The following TYW1B variants were observed in gnomAD, a reference collection of about 807,000 sequenced individuals.
TYW1B encodes the protein S-adenosyl-L-methionine-dependent tRNA 4-demethylwyosine synthase TYW1B.
TYW1B carries 73 observed loss-of-function variants against 86.9 expected under a neutral mutation model. The observed-to-expected ratio is 0.84, with a 90% confidence interval of 0.70 to 1.02. The LOEUF is 1.02. Among genes scored for constraint, TYW1B ranks in the 50% least tolerant of loss-of-function variants. The pLI is 0.00. For synonymous variants in TYW1B, 248 were observed against 292.8 expected (o/e 0.85, Z 1.56); for missense variants, 637 against 827.4 (o/e 0.77, Z 2.82).
intron 6 of TYW1B, among the ~76,000 whole-genome samples, chr7:72,790,596 T>C (rs1788203657): frequency 6.6e-6 from 1 of 152,166 alleles, no homozygotes. Flanking sequence ...TGCTTCTGGC[T>C]GGTAAATGAT....
intron 7 of TYW1B, among the ~76,000 whole-genome samples, chr7:72,760,046 C>T (rs1554466942): frequency 1.3e-5 from 2 of 151,972 alleles, no homozygotes; most frequent in Non-Finnish European, 2.9e-5. Context: ...CACACAGAGG[C>T]AAAAAGAAAA....
intron 7 of TYW1B, among the ~76,000 whole-genome samples, chr7:72,775,845 C>G (rs1787944752): frequency 6.6e-6 from 1 of 151,920 alleles, no homozygotes; most frequent in Non-Finnish European, 1.5e-5. Flanking sequence ...AAAATGGTAA[C>G]TACATAAAGT....
intron 1 of TYW1B, among the ~76,000 whole-genome samples, chr7:72,827,407 C>T (rs1788954278): frequency 6.6e-6 from 1 of 151,646 alleles, no homozygotes; most frequent in East Asian, 1.9e-4. Flanking sequence ...GGCTCCATCT[C>T]GTGGGGGGGG....
intron 12 of TYW1B, among the ~76,000 whole-genome samples, chr7:72,628,234 G>A (rs1215356563): frequency 3.3e-5 from 5 of 152,274 alleles, no homozygotes; most frequent in East Asian, 1.9e-4. Flanking sequence ...AGTAAGCTAC[G>A]ATCACAGCAC....
intron 4 of TYW1B, among the ~76,000 whole-genome samples, chr7:72,809,742 G>A (rs1554477573): frequency 6.6e-6 from 1 of 152,140 alleles, no homozygotes; most frequent in African/African-American, 2.4e-5. Context: ...GCTCACACCT[G>A]TAATCCCAGC....
At chr7:72,708,895 G>A (rs559192063) in intron 10 of TYW1B, among the ~76,000 whole-genome samples, 25 of 152,250 alleles carry the variant, frequency 1.6e-4, no homozygotes, top group East Asian at 3.9e-4. Context: ...TTTATGACAC[G>A]TCATAATATC....
intron 11 of TYW1B, among the ~76,000 whole-genome samples, chr7:72,663,534 AG>A (rs2129569497): frequency 6.6e-6 from 1 of 152,030 alleles, no homozygotes; most frequent in African/African-American, 2.4e-5. Context: ...CGAAGCGGGC[AG>A]ATCACGAGGT....
At chr7:72,810,994 G>A (rs533056197) in intron 3 of TYW1B, among the ~76,000 whole-genome samples, 12 of 152,108 alleles carry the variant, frequency 7.9e-5, no homozygotes, top group East Asian at 7.7e-4. Flanking sequence ...AATACAGGCC[G>A]GGTGCGGTGG....
intron 7 of TYW1B, among the ~76,000 whole-genome samples, chr7:72,748,170 C>G (rs782532064): frequency 4.0e-5 from 6 of 151,776 alleles, no homozygotes; most frequent in African/African-American, 1.5e-4. Context: ...TAGGGAGGCT[C>G]AGGCAGGAGA....
At chr7:72,789,031 A>T (rs782154032) in intron 6 of TYW1B, among the ~76,000 whole-genome samples, 1 of 151,354 alleles carries the variant, frequency 6.6e-6, no homozygotes, top group Non-Finnish European at 1.5e-5. Context: ...GGGTCTCACT[A>T]TGTTGCCCAG....
chr7:72,753,911 T>C (rs1361793931), intron 7 of TYW1B, among the ~76,000 whole-genome samples: 1 of 152,192 alleles, frequency 6.6e-6, no homozygotes, highest in African/African-American at 2.4e-5. Context: ...TTATAGGCAA[T>C]GGGAAACCAA....
intron 2 of TYW1B, among the ~76,000 whole-genome samples, chr7:72,816,211 T>A (rs1251973991): frequency 5.3e-5 from 8 of 152,056 alleles, no homozygotes; most frequent in Admixed American, 5.3e-4. Context: ...ACCCCGTCTC[T>A]ACTAAAAATA....
At chr7:72,688,512 C>G (rs1228039344) in intron 11 of TYW1B, among the ~76,000 whole-genome samples, 1 of 152,146 alleles carries the variant, frequency 6.6e-6, no homozygotes, top group Non-Finnish European at 1.5e-5. Context: ...CTCACTGTTT[C>G]CTTGAGTTGC....
Position 72,672,807 on chromosome 7 carries a change from CAT to C in TYW1B, c.1506+21878_1506+21879del, listed in dbSNP as rs1438548047. On this transcript the variant is annotated intron_variant, in intron 11 of 13. Transcript: ENST00000620995. ...GCATGCATATGTATGTGTGCATACACATGTGTGTACATTTTGTTTCAAAGATT... is the reference window on the plus strand; with the variant it reads ...GCATGCATATGTATGTGTGCATACACGTGTGTACATTTTGTTTCAAAGATT... Among the ~76,000 whole-genome samples the C allele has an allele frequency of 1.2e-4, 18 of 152,318 alleles. 1 individual carries two copies. The South Asian group carries it at 2.3e-3, about 19-fold the overall frequency.
At chr7:72,699,126 T>C (rs1407669792) in intron 10 of TYW1B, among the ~76,000 whole-genome samples, 2 of 152,066 alleles carry the variant, frequency 1.3e-5, no homozygotes, top group African/African-American at 4.8e-5. Context: ...TTGATTTTGC[T>C]TGGCAAAATC....
intron 13 of TYW1B, among the ~76,000 whole-genome samples, chr7:72,588,134 T>C (rs2129567757): frequency 6.6e-6 from 1 of 152,358 alleles, no homozygotes; most frequent in Admixed American, 6.5e-5. Context: ...TTACTGGTAA[T>C]AAGTAGGATT....
chr7:72,806,496 A>G (rs1271894193), intron 5 of TYW1B, among the ~76,000 whole-genome samples: 1 of 151,668 alleles, frequency 6.6e-6, no homozygotes, highest in African/African-American at 2.4e-5. Context: ...TTGGCCTCCC[A>G]AAAGTGCTGG....
chr7:72,600,591 C>A (rs1218324815), intron 13 of TYW1B, among the ~76,000 whole-genome samples: 1 of 152,096 alleles, frequency 6.6e-6, no homozygotes, highest in Non-Finnish European at 1.5e-5. Flanking sequence ...AAAATATTTT[C>A]AAAATACATA....
intron 7 of TYW1B, among the ~76,000 whole-genome samples, chr7:72,745,820 C>A (rs1554463686): frequency 1.3e-5 from 2 of 149,972 alleles, no homozygotes; most frequent in Admixed American, 6.8e-5. Flanking sequence ...AAAGCAGAGA[C>A]ACGAATGAGT....
Sources: gnomAD v4.1 joint callset for allele counts (sites outside exome capture counted in the v4.1 genomes callset) on GRCh38, gnomAD v4.1.1 for gene constraint, MANE v1.5 for transcripts, NCBI Gene and HGNC (gene_info 2026-07-23, HGNC 2026-07-21) for gene names.